The following SDK1 variants were observed in gnomAD, a reference collection of about 807,000 sequenced individuals.
The protein encoded by SDK1 is protein sidekick-1.
Under a neutral mutation model 245.5 loss-of-function variants are expected in SDK1, and 157 were observed. The ratio of observed to expected loss-of-function variants is 0.64; its 90% CI spans 0.56 to 0.73. The LOEUF (loss-of-function observed/expected upper bound fraction) is 0.73. SDK1 is among the 30% of genes least tolerant of loss of function. The pLI, the probability that SDK1 is intolerant of heterozygous loss-of-function variation, is 0.00. For synonymous variants in SDK1, 1,647 were observed against 1,278.5 expected (o/e 1.29, Z -6.15); for missense variants, 3,583 against 3,002.3 (o/e 1.19, Z -4.52).
At chr7:3,338,510 G>C (rs1430979452) in intron 1 of SDK1, 1 of 459,170 alleles carries the variant, frequency 2.2e-6, no homozygotes, top group Non-Finnish European at 4.2e-6. Context: ...CAGCTGAAGA[G>C]CCAGCCTGTT....
chr7:4,052,980 G>A (rs1044819783), intron 19 of SDK1, among the ~76,000 whole-genome samples: 2 of 151,478 alleles, frequency 1.3e-5, no homozygotes, highest in Non-Finnish European at 2.9e-5. Flanking sequence ...CCAGCTACTC[G>A]GGAGGCTGAG....
chr7:4,035,296 A>G (rs1216476188), intron 17 of SDK1, among the ~76,000 whole-genome samples: 2 of 152,198 alleles, frequency 1.3e-5, no homozygotes, highest in Non-Finnish European at 2.9e-5. Flanking sequence ...GCACTAAATT[A>G]ATTTTTAAGC....
At chr7:3,536,367 C>G (rs1778888252) in intron 1 of SDK1, among the ~76,000 whole-genome samples, 2 of 152,000 alleles carry the variant, frequency 1.3e-5, no homozygotes, top group Admixed American at 6.6e-5. Flanking sequence ...CACCCGGCCA[C>G]TAGCAGAATA....
intron 1 of SDK1, among the ~76,000 whole-genome samples, chr7:3,589,313 A>G (rs1780786897): frequency 6.6e-6 from 1 of 152,134 alleles, no homozygotes; most frequent in East Asian, 1.9e-4. Flanking sequence ...TGTTGACGTC[A>G]GTACTGATCT....
chr7:3,501,255 T>A (rs372956196), intron 1 of SDK1, among the ~76,000 whole-genome samples: 1 of 152,180 alleles, frequency 6.6e-6, no homozygotes, highest in Non-Finnish European at 1.5e-5. Context: ...TTGGACTGAT[T>A]AGATTCCTTA....
At chr7:4,020,732 C>T (rs1166764079) in intron 17 of SDK1, among the ~76,000 whole-genome samples, 1 of 152,198 alleles carries the variant, frequency 6.6e-6, no homozygotes, top group Non-Finnish European at 1.5e-5. Context: ...AAGAGCCCTT[C>T]CTGGGAGTCC....
At chr7:3,499,254 C>G (rs1293775129) in intron 1 of SDK1, among the ~76,000 whole-genome samples, 2 of 152,218 alleles carry the variant, frequency 1.3e-5, no homozygotes, top group South Asian at 4.1e-4. Flanking sequence ...ATTCAACAAT[C>G]ATTTGTGCAA....
At chr7:3,565,855 C>A (rs1779898293) in intron 1 of SDK1, among the ~76,000 whole-genome samples, 1 of 152,152 alleles carries the variant, frequency 6.6e-6, no homozygotes. Flanking sequence ...GCAATTTTTT[C>A]CGAATATTTT....
chr7:3,789,437 T>G (rs1302852540), intron 4 of SDK1, among the ~76,000 whole-genome samples: 2 of 152,170 alleles, frequency 1.3e-5, no homozygotes, highest in Non-Finnish European at 2.9e-5. Context: ...CGTGAGCCAC[T>G]CTGCCCAGCC....
intron 4 of SDK1, among the ~76,000 whole-genome samples, chr7:3,728,323 C>A (rs1486599382): frequency 1.3e-5 from 2 of 152,236 alleles, no homozygotes; most frequent in Non-Finnish European, 2.9e-5. Context: ...TTCTGGGTAT[C>A]TTCTCTTAAA....
At chr7:4,133,553 C>G (rs896666359) in intron 28 of SDK1, among the ~76,000 whole-genome samples, 3 of 152,198 alleles carry the variant, frequency 2.0e-5, no homozygotes, top group Non-Finnish European at 4.4e-5. Context: ...TGAGAGGGAT[C>G]TGGAGATAGG....
At chr7:3,520,122 A>AT (rs1248263882) in intron 1 of SDK1, among the ~76,000 whole-genome samples, 1 of 152,218 alleles carries the variant, frequency 6.6e-6, no homozygotes, top group African/African-American at 2.4e-5. Context: ...AAAATGCTAG[A>AT]TATCAAGTTA....
At chr7:4,192,394 GC>G (rs1256891353) in intron 35 of SDK1, among the ~76,000 whole-genome samples, 1 of 152,130 alleles carries the variant, frequency 6.6e-6, no homozygotes, top group Admixed American at 6.5e-5. Flanking sequence ...TCCTGCCTCA[GC>G]CTCCCAAGTA....
intron 38 of SDK1, among the ~76,000 whole-genome samples, chr7:4,216,023 G>A (rs1258364040): frequency 6.6e-6 from 1 of 152,136 alleles, no homozygotes; most frequent in African/African-American, 2.4e-5. Context: ...CCTCCCAGCT[G>A]ACTCTGCAGA....
chr7:3,683,922 C>T (rs913761868), intron 4 of SDK1, among the ~76,000 whole-genome samples: 1 of 152,226 alleles, frequency 6.6e-6, no homozygotes, highest in Non-Finnish European at 1.5e-5. Context: ...GTGTTGGCCA[C>T]TCCTGTCCCA....
Position 3,771,469 on chromosome 7 carries a change from C to A in SDK1, c.714-49981C>A, listed in dbSNP as rs142941132. ...CCGTTTTTATAATAAACTTAACTCA[C>A]CCTCATTGTTGTGCATATGTATGAC... On this transcript the variant is annotated intron_variant, in intron 4 of 44. Coordinates refer to ENST00000404826, the MANE Select transcript of SDK1 (RefSeq NM_152744.4). Among the ~76,000 whole-genome samples, 349 of 152,216 alleles carry A rather than the reference C, an allele frequency of 2.3e-3. 3 individuals carry two copies. Among genetic ancestry groups the A allele is most frequent in the African/African-American group, 7.6e-3 (317 of 41,532 alleles).
chr7:4,230,825 T>A (rs899021586), intron 40 of SDK1, among the ~76,000 whole-genome samples: 1 of 151,920 alleles, frequency 6.6e-6, no homozygotes, highest in Non-Finnish European at 1.5e-5. Context: ...TGGGGTGGGG[T>A]CAAGGTTGAC....
At chr7:4,183,803 C>G (rs1782729354) in intron 35 of SDK1, among the ~76,000 whole-genome samples, 1 of 152,172 alleles carries the variant, frequency 6.6e-6, no homozygotes, top group South Asian at 2.1e-4. Flanking sequence ...CAGCCTTGCT[C>G]TAAGTTAAAC....
chr7:4,072,009 A>G (rs1265628737), intron 20 of SDK1, among the ~76,000 whole-genome samples: 1 of 152,270 alleles, frequency 6.6e-6, no homozygotes, highest in Non-Finnish European at 1.5e-5. Context: ...ATCCATGGGC[A>G]TAATAATTCA....
Sources: gnomAD v4.1 joint callset for allele counts (sites outside exome capture counted in the v4.1 genomes callset) on GRCh38, gnomAD v4.1.1 for gene constraint, MANE v1.5 for transcripts, NCBI Gene and HGNC (gene_info 2026-07-23, HGNC 2026-07-21) for gene names.